LRRC4C: variants seen among roughly 807,000 people sequenced by gnomAD.
LRRC4C encodes leucine rich repeat containing 4C.
Under a neutral mutation model 33.6 loss-of-function variants are expected in LRRC4C, and 5 were observed. The observed-to-expected ratio is 0.15, with a 90% CI of 0.08 to 0.31. LRRC4C has a LOEUF of 0.31. Among genes scored for constraint, LRRC4C ranks in the 10% least tolerant of loss-of-function variants. The pLI is 1.00. For synonymous variants in LRRC4C, 329 were observed against 302.0 expected (o/e 1.09, Z -0.93); for missense variants, 560 against 796.7 (o/e 0.70, Z 3.58).
intron 1 of LRRC4C, among the ~76,000 whole-genome samples, chr11:41,312,842 A>AT (rs2137195459): frequency 6.6e-6 from 1 of 152,296 alleles, no homozygotes; most frequent in Admixed American, 6.5e-5. Context: ...TCTGACATGT[A>AT]TATTTCTCAA....
chr11:40,359,488 G>T (rs1032259494), intron 3 of LRRC4C, among the ~76,000 whole-genome samples: 1 of 152,092 alleles, frequency 6.6e-6, no homozygotes, highest in Admixed American at 6.6e-5. Context: ...TCAATTAAGC[G>T]CATCTCTTAA....
At chr11:40,187,657 G>A (rs536519172) in intron 5 of LRRC4C, among the ~76,000 whole-genome samples, 7 of 152,252 alleles carry the variant, frequency 4.6e-5, no homozygotes, top group African/African-American at 1.4e-4. Context: ...ACTCTGGCAA[G>A]TTAGATGTTC....
At chr11:40,745,452 A>T (rs867468236) in intron 2 of LRRC4C, among the ~76,000 whole-genome samples, 8 of 152,338 alleles carry the variant, frequency 5.3e-5, no homozygotes, top group South Asian at 4.1e-4. Context: ...ATTTTGACTT[A>T]AAGTGAATCT....
intron 1 of LRRC4C, among the ~76,000 whole-genome samples, chr11:41,257,812 T>A (rs1948849792): frequency 1.3e-5 from 2 of 152,192 alleles, no homozygotes; most frequent in Non-Finnish European, 2.9e-5. Flanking sequence ...GCCACCTCCC[T>A]GCATCTAGCT....
At chr11:40,266,680 C>T (rs181062429) in intron 4 of LRRC4C, among the ~76,000 whole-genome samples, 10 of 152,190 alleles carry the variant, frequency 6.6e-5, no homozygotes, top group Admixed American at 5.2e-4. Context: ...GTTGAATCTT[C>T]GGCATGGGTA....
chr11:40,306,342 T>G (rs1945029537), intron 4 of LRRC4C, among the ~76,000 whole-genome samples: 1 of 152,194 alleles, frequency 6.6e-6, no homozygotes, highest in Non-Finnish European at 1.5e-5. Context: ...TTGTCTGTTT[T>G]AAATAAGTCT....
chr11:40,388,356 C>T (rs1002321955), intron 3 of LRRC4C, among the ~76,000 whole-genome samples: 1 of 152,104 alleles, frequency 6.6e-6, no homozygotes, highest in African/African-American at 2.4e-5. Flanking sequence ...CTCATAAGTA[C>T]ACCATAAAAG....
At chr11:40,452,001 C>T (rs994690826) in intron 3 of LRRC4C, among the ~76,000 whole-genome samples, 1 of 152,110 alleles carries the variant, frequency 6.6e-6, no homozygotes, top group African/African-American at 2.4e-5. Flanking sequence ...TGAGGAATCG[C>T]CTCACCCAGG....
At chr11:40,231,825 C>G (rs7114638) in intron 5 of LRRC4C, among the ~76,000 whole-genome samples, 1 of 152,156 alleles carries the variant, frequency 6.6e-6, no homozygotes, top group African/African-American at 2.4e-5. Flanking sequence ...ATATAGCTAA[C>G]TTTCTCCTTA....
In LRRC4C at chr11:40,363,592, A is replaced by T. The variant is rs1948068986; in HGVS notation, c.-269-43871T>A. Reference sequence around the variant, plus strand: ...GTAAAAAAAAAAAACTGTTTCAAGGACTTTAAAAGATAACCTCACAAGAAA... The same window carrying T: ...GTAAAAAAAAAAAACTGTTTCAAGGTCTTTAAAAGATAACCTCACAAGAAA... On this transcript the variant is annotated intron_variant, in intron 3 of 6. Coordinates refer to ENST00000528697, the MANE Select transcript of LRRC4C (RefSeq NM_001258419.2). 1.3e-5 allele frequency among the ~76,000 whole-genome samples: 2 copies of T among 152,128 alleles called. 1 individual carries two copies. Among genetic ancestry groups the T allele is most frequent in the East Asian group, 3.9e-4 (2 of 5,192 alleles).
At chr11:40,156,827 A>T (rs1858735548) in intron 5 of LRRC4C, among the ~76,000 whole-genome samples, 1 of 152,216 alleles carries the variant, frequency 6.6e-6, no homozygotes, top group Non-Finnish European at 1.5e-5. Flanking sequence ...TATTGTGAAA[A>T]TGAGTATACT....
chr11:41,281,809 G>A (rs1045859146), intron 1 of LRRC4C, among the ~76,000 whole-genome samples: 1 of 152,184 alleles, frequency 6.6e-6, no homozygotes, highest in Non-Finnish European at 1.5e-5. Flanking sequence ...TTTAGTTTGT[G>A]GAGTTTAGTG....
At chr11:40,220,188 G>A (rs1864299522) in intron 5 of LRRC4C, among the ~76,000 whole-genome samples, 1 of 152,116 alleles carries the variant, frequency 6.6e-6, no homozygotes, top group South Asian at 2.1e-4. Context: ...TTGAGACTAT[G>A]ACTTCCTGTT....
At chr11:41,142,577 C>T (rs1405318178) in intron 1 of LRRC4C, among the ~76,000 whole-genome samples, 3 of 152,102 alleles carry the variant, frequency 2.0e-5, no homozygotes, top group East Asian at 1.9e-4. Flanking sequence ...ATTTCCCACT[C>T]TTTGGAATGA....
intron 3 of LRRC4C, among the ~76,000 whole-genome samples, chr11:40,508,427 GTACAGTGTAATGC>G (rs1212617753): frequency 1.3e-5 from 2 of 152,024 alleles, no homozygotes; most frequent in African/African-American, 4.8e-5. Context: ...TTATAATGTA[GTACAGTGTAATGC>G]TACAGAAACT....
intron 1 of LRRC4C, among the ~76,000 whole-genome samples, chr11:41,198,906 C>T (rs552829872): frequency 2.6e-4 from 40 of 152,170 alleles, no homozygotes; most frequent in Admixed American, 1.2e-3. Context: ...TAGAACTCAG[C>T]AGTCTCAACG....
chr11:40,851,968 CT>C lies in LRRC4C; in HGVS notation c.-407+81666del, dbSNP rs959648939. Among the ~76,000 whole-genome samples the C allele has an allele frequency of 7.9e-5, 12 of 152,076 alleles. No homozygotes were observed. In the East Asian group the frequency reaches 1.7e-3, roughly 22 times the overall value. The stretch of plus-strand genomic sequence containing the variant: ...AACAAACTCATTTAAAAGGAGCAGA[CT>C]TTTTTTGTACTTTCGTACTTTTTAA... On this transcript the variant is annotated intron_variant, in intron 2 of 6. Coordinates refer to ENST00000528697, the MANE Select transcript of LRRC4C (RefSeq NM_001258419.2).
intron 1 of LRRC4C, among the ~76,000 whole-genome samples, chr11:41,282,461 TGATG>T (rs1456026575): frequency 6.6e-6 from 1 of 152,222 alleles, no homozygotes; most frequent in Non-Finnish European, 1.5e-5. Flanking sequence ...CACTTCATTA[TGATG>T]CCTGCACTAA....
chr11:40,487,260 A>T (rs565988790), intron 3 of LRRC4C, among the ~76,000 whole-genome samples: 1 of 152,064 alleles, frequency 6.6e-6, no homozygotes, highest in South Asian at 2.1e-4. Context: ...GGCTTCTGTA[A>T]TTTGCAGTTT....
Sources: allele counts gnomAD v4.1 joint callset (sites outside exome capture counted in the v4.1 genomes callset), GRCh38; gene constraint gnomAD v4.1.1; transcripts MANE v1.5; gene names NCBI Gene and HGNC (gene_info 2026-07-23, HGNC 2026-07-21).